The following COL19A1 variants were observed in gnomAD, a reference collection of about 807,000 sequenced individuals.
COL19A1 encodes collagen alpha-1(XIX) chain.
A neutral mutation model predicts 190.2 loss-of-function variants in COL19A1; 159 were observed. The ratio of observed to expected loss-of-function variants is 0.84; its 90% confidence interval spans 0.73 to 0.95. The LOEUF is 0.95. Ranked by LOEUF, COL19A1 falls within the 40% of genes least tolerant of loss-of-function variation. The pLI is 0.00. For missense variants in COL19A1, 1,418 were observed against 1,431.9 expected (o/e 0.99, Z 0.16); for synonymous variants, 509 against 458.9 (o/e 1.11, Z -1.39).
chr6:70,027,667 A>G (rs1169593351), intron 12 of COL19A1, among the ~76,000 whole-genome samples: 3 of 152,186 alleles, frequency 2.0e-5, no homozygotes, highest in African/African-American at 7.2e-5. Flanking sequence ...TCTAGTTTAA[A>G]TAATGCATAC....
chr6:69,929,835 G>A lies in COL19A1; in HGVS notation c.666+135G>A, dbSNP rs74883689. On this transcript the variant is annotated intron_variant, in intron 6 of 50. Transcript: ENST00000620364. ...ATTTTATTAATTTAATTAATTTGCC[G>A]TCAGATGTGTGAAGAACAGCTATGT... The A allele has an allele frequency of 6.5e-3, 5,287 of 812,850 alleles. 169 individuals are homozygous for A. In the African/African-American group the frequency reaches 0.077, roughly 12 times the overall value. The allele number at this position is 812,850 out of a possible 1,614,324, so 50.4% of individuals were successfully genotyped here.
intron 9 of COL19A1, among the ~76,000 whole-genome samples, chr6:69,951,255 A>C (rs1562028174): frequency 6.6e-6 from 1 of 151,924 alleles, no homozygotes; most frequent in Admixed American, 6.6e-5. Flanking sequence ...TCTAAATGTC[A>C]GTTTTCTCTT....
intron 9 of COL19A1, among the ~76,000 whole-genome samples, chr6:69,955,564 T>C (rs1774368080): frequency 7.2e-6 from 1 of 137,938 alleles, no homozygotes; most frequent in Non-Finnish European, 1.6e-5. Flanking sequence ...TGTGTGTGTG[T>C]GTAAGAGAGA....
intron 31 of COL19A1, among the ~76,000 whole-genome samples, chr6:70,152,121 T>C (rs1190976760): frequency 6.6e-6 from 1 of 152,108 alleles, no homozygotes; most frequent in African/African-American, 2.4e-5. Flanking sequence ...TGCATGTTTC[T>C]GCCTGATATG....
At chr6:70,156,392 T>G in intron 33 of COL19A1, 23 bp downstream of exon 33, 1 of 1,611,238 alleles carries the variant, frequency 6.2e-7, no homozygotes, top group Non-Finnish European at 8.5e-7. Flanking sequence ...CTCCTCCACT[T>G]TCCCCTGTGG....
chr6:70,000,691 C>T (rs189799477), intron 11 of COL19A1, among the ~76,000 whole-genome samples: 105 of 152,226 alleles, frequency 6.9e-4, no homozygotes, highest in African/African-American at 2.4e-3. Context: ...TGTTCATATC[C>T]TTTGCCCACT....
chr6:69,901,421 G>T (rs80142272), intron 4 of COL19A1, among the ~76,000 whole-genome samples: 4 of 152,062 alleles, frequency 2.6e-5, no homozygotes, highest in African/African-American at 9.7e-5. Flanking sequence ...GACTGAAATG[G>T]CTCCTTAAAA....
intron 14 of COL19A1, among the ~76,000 whole-genome samples, chr6:70,057,489 C>T (rs1219484111): frequency 6.6e-6 from 1 of 151,934 alleles, no homozygotes; most frequent in Non-Finnish European, 1.5e-5. Flanking sequence ...AGAATAATTA[C>T]CAAAGCTAAA....
intron 18 of COL19A1, among the ~76,000 whole-genome samples, chr6:70,132,179 C>A (rs1022340555): frequency 1.3e-5 from 2 of 152,158 alleles, no homozygotes; most frequent in African/African-American, 2.4e-5. Flanking sequence ...GCAGGAAGAA[C>A]CTTTGAGCCC....
intron 12 of COL19A1, among the ~76,000 whole-genome samples, chr6:70,032,443 C>T (rs1054575390): frequency 1.3e-5 from 2 of 151,824 alleles, no homozygotes; most frequent in African/African-American, 4.8e-5. Context: ...TCGTACTAAT[C>T]AATAGAAATA....
chr6:70,089,807 G>T (rs560086293), intron 15 of COL19A1, among the ~76,000 whole-genome samples: 3 of 152,070 alleles, frequency 2.0e-5, no homozygotes, highest in African/African-American at 7.2e-5. Context: ...CTTACACAAT[G>T]CAGCTTTCTC....
chr6:70,164,493 T>C (rs190501400), intron 36 of COL19A1, among the ~76,000 whole-genome samples: 1 of 152,266 alleles, frequency 6.6e-6, no homozygotes, highest in Non-Finnish European at 1.5e-5. Context: ...AAACAATGAC[T>C]TTATTCTAGA....
intron 23 of COL19A1, among the ~76,000 whole-genome samples, 164 bp downstream of exon 23, chr6:70,142,984 G>A (rs2150236324): frequency 6.6e-6 from 1 of 152,240 alleles, no homozygotes; most frequent in Non-Finnish European, 1.5e-5. Flanking sequence ...GAGCTATTGG[G>A]AAGACTAGAC....
intron 14 of COL19A1, among the ~76,000 whole-genome samples, chr6:70,067,065 T>G (rs1010005165): frequency 5.3e-5 from 8 of 152,126 alleles, no homozygotes; most frequent in African/African-American, 1.9e-4. Flanking sequence ...AACAAATCAT[T>G]ACATGAATAA....
rs967232968 is a variant in COL19A1 at position 70,211,174 on chromosome 6, A to G, written c.*3900A>G. 3.9e-5 allele frequency among the ~76,000 whole-genome samples: 6 copies of G among 152,132 alleles called. No homozygotes were observed. Among genetic ancestry groups the G allele is most frequent in the African/African-American group, 1.4e-4 (6 of 41,458 alleles). The stretch of plus-strand genomic sequence containing the variant: ...TTACAGTTATATTTGTATAACGTTT[A>G]TATTTTTCTAGAATACATCACTATT... On this transcript the variant is annotated 3_prime_UTR_variant, in exon 51 of 51. Transcript: ENST00000620364.
At chr6:70,150,625 G>A (rs962387273) in intron 30 of COL19A1, among the ~76,000 whole-genome samples, 7 of 152,118 alleles carry the variant, frequency 4.6e-5, no homozygotes, top group African/African-American at 1.7e-4. Context: ...GAGGCCATAT[G>A]GTACATGACA....
chr6:69,921,514 G>GTATATATTCA (rs1771922044), intron 4 of COL19A1, among the ~76,000 whole-genome samples: 5 of 17,482 alleles, frequency 2.9e-4, no homozygotes, highest in Non-Finnish European at 5.1e-4. Context: ...ATATTCATAT[G>GTATATATTCA]TATATTCATA....
intron 11 of COL19A1, among the ~76,000 whole-genome samples, chr6:69,991,798 C>T (rs954305069): frequency 1.3e-5 from 2 of 152,004 alleles, no homozygotes; most frequent in Admixed American, 6.6e-5. Context: ...AGACTTTTGT[C>T]AGCTGCATAG....
At chr6:69,936,118 A>G (rs1247330233) in intron 7 of COL19A1, among the ~76,000 whole-genome samples, 1 of 152,104 alleles carries the variant, frequency 6.6e-6, no homozygotes, top group Non-Finnish European at 1.5e-5. Flanking sequence ...TCCTCCTCAG[A>G]TTCTCCATTT....
Sources: allele counts gnomAD v4.1 joint callset (sites outside exome capture counted in the v4.1 genomes callset), GRCh38; gene constraint gnomAD v4.1.1; transcripts MANE v1.5; gene names NCBI Gene and HGNC (gene_info 2026-07-23, HGNC 2026-07-21).